Variants in MAP4K3 observed in about 807,000 individuals in gnomAD.
The protein encoded by MAP4K3 is mitogen-activated protein kinase kinase kinase kinase 3.
Under a neutral mutation model 143.5 loss-of-function variants are expected in MAP4K3, and 94 were observed. That is an observed-to-expected ratio of 0.65 (90% CI 0.55 to 0.78). MAP4K3 has a LOEUF of 0.78. Ranked by LOEUF, MAP4K3 falls within the 30% of genes least tolerant of loss-of-function variation. The pLI is 0.00. For synonymous variants in MAP4K3, 416 were observed against 347.2 expected (o/e 1.20, Z -2.20); for missense variants, 1,077 against 1,068.1 (o/e 1.01, Z -0.12).
At chr2:39,278,597 C>T (rs1429257177) in intron 23 of MAP4K3, 111 bp from the exon 24 acceptor site, 1 of 610,700 alleles carries the variant, frequency 1.6e-6, no homozygotes, top group Non-Finnish European at 2.8e-6. Flanking sequence ...ACAAGAATTA[C>T]TATGATTTAT....
At position 39,260,527 on chromosome 2, in the gene MAP4K3, T is replaced by C. The variant is rs888182541; in HGVS notation, c.2308+79A>G. 3 of 1,185,030 alleles carry C rather than the reference T, an allele frequency of 2.5e-6. No individual in the cohort carries two copies. The African/African-American group carries it at 4.7e-5, about 18-fold the overall frequency. 73.4% of individuals were successfully genotyped at this position (1,185,030 alleles called of 1,614,324 possible). A position where few individuals can be genotyped will look rare whatever the true frequency, so the allele number is the denominator to read the frequency against. On this transcript the variant is annotated intron_variant, in intron 29 of 33. Coordinates refer to ENST00000263881, the MANE Select transcript of MAP4K3 (RefSeq NM_003618.4). ...ACTGGCAGTATATGCAGTTTTTCCT[T>C]AGTAAGAGATACAGTAAACTTACTA... is the stretch of plus-strand genomic sequence containing the variant.
At position 39,309,528 on chromosome 2, in the gene MAP4K3, GA is replaced by G. The variant is rs754215622; in HGVS notation, c.998-10del. 5.5e-4 allele frequency: 266 copies of G among 486,642 alleles called. No homozygotes were observed. The highest frequency in any genetic ancestry group is 7.0e-4 in the African/African-American group (28 of 40,104). 30.1% of individuals were successfully genotyped at this position (486,642 alleles called of 1,614,324 possible). A position where few individuals can be genotyped will look rare whatever the true frequency, so the allele number is the denominator to read the frequency against. The stretch of plus-strand genomic sequence containing the variant: ...AAATTTCACTTGGCCAACTAAAAAA[GA>G]AAAAAAAGTAAAACCAGGATTTTTT... On this transcript the variant is annotated splice_polypyrimidine_tract_variant and intron_variant, in intron 13 of 33. Transcript: ENST00000263881.
Position 39,288,271 on chromosome 2 carries a change from T to A in MAP4K3, c.1324A>T (p.Ile442Phe). ...GAATGCATTTCCTGTGGTATGAAGATAGACTTAGGCTGAAATAATATAGAA... is the reference window on the plus strand; with the variant it reads ...GAATGCATTTCCTGTGGTATGAAGAAAGACTTAGGCTGAAATAATATAGAA... ...PPPLPPKPKS[I>F]FIPQEMHSTE... Residue 442 changes from isoleucine (I) to phenylalanine (F), a missense_variant, in exon 20 of 34, where the codon ATC becomes TTC. Physicochemically the swap from Ile to Phe is conservative, Grantham distance 21 (BLOSUM62 0). Around this residue, in one of 2 missense-constraint regions of MAP4K3, gnomAD observed 864 missense variants for 801.2 expected, o/e 1.08. Transcript: ENST00000263881. 1 of 1,613,814 alleles carries A rather than the reference T, an allele frequency of 6.2e-7. No individual in the cohort carries two copies. The highest frequency in any genetic ancestry group is 8.5e-7 in the Non-Finnish European group (1 of 1,179,740).
chr2:39,378,375 A>G (rs1333731845), intron 1 of MAP4K3, among the ~76,000 whole-genome samples: 1 of 152,178 alleles, frequency 6.6e-6, no homozygotes, highest in Non-Finnish European at 1.5e-5. Context: ...CACTATTCTA[A>G]ATGTTTTAAT....
Position 39,273,537 on chromosome 2 carries a change from A to T in MAP4K3, c.1795-995T>A, listed in dbSNP as rs201123796. 2.4e-3 allele frequency among the ~76,000 whole-genome samples: 55 copies of T among 22,964 alleles called. 1 individual carries two copies. In the Admixed American group the frequency reaches 0.033, roughly 14 times the overall value. 15.1% of individuals were successfully genotyped at this position (22,964 alleles called of 152,430 possible). ...TGAGAGAATGGAATAGAGAGGACCC[A>T]GGGGTGAATGATGAAACACATCAAG... On this transcript the variant is annotated intron_variant, in intron 24 of 33. Coordinates refer to ENST00000263881, the MANE Select transcript of MAP4K3 (RefSeq NM_003618.4).
chr2:39,253,663 T>C (rs895673861), intron 32 of MAP4K3, among the ~76,000 whole-genome samples: 1 of 152,178 alleles, frequency 6.6e-6, no homozygotes, highest in African/African-American at 2.4e-5. Context: ...ATTGCTTACT[T>C]TGTTAGAAAT....
At chr2:39,357,167 C>T (rs1665636455) in intron 2 of MAP4K3, among the ~76,000 whole-genome samples, 1 of 152,170 alleles carries the variant, frequency 6.6e-6, no homozygotes, top group Admixed American at 6.5e-5. Context: ...ATAGCAGTGT[C>T]ACATGCTGTG....
chr2:39,380,145 T>C (rs1167920546), intron 1 of MAP4K3, among the ~76,000 whole-genome samples: 8 of 152,126 alleles, frequency 5.3e-5, no homozygotes, highest in Non-Finnish European at 1.2e-4. Context: ...GCTAAAATGA[T>C]TACTGTTCTT....
chr2:39,432,671 G>C (rs1294097918), intron 1 of MAP4K3, among the ~76,000 whole-genome samples: 2 of 152,166 alleles, frequency 1.3e-5, no homozygotes, highest in African/African-American at 2.4e-5. Context: ...GGAAGAATTA[G>C]TCTATGATGA....
chr2:39,425,921 T>C (rs894590238), intron 1 of MAP4K3, among the ~76,000 whole-genome samples: 1 of 152,232 alleles, frequency 6.6e-6, no homozygotes, highest in Admixed American at 6.5e-5. Flanking sequence ...GGAACCATTA[T>C]AGTAATAATT....
At chr2:39,352,185 G>C (rs1004934470) in intron 3 of MAP4K3, among the ~76,000 whole-genome samples, 23 of 152,056 alleles carry the variant, frequency 1.5e-4, no homozygotes, top group Non-Finnish European at 2.8e-4. Context: ...CAGCTACTCG[G>C]GAGGCTGAGA....
intron 1 of MAP4K3, among the ~76,000 whole-genome samples, chr2:39,428,669 C>T (rs1424242773): frequency 6.6e-6 from 1 of 150,568 alleles, no homozygotes. Flanking sequence ...AGAGAAAGAG[C>T]AAAACTCTGC....
At chr2:39,272,173 TC>T (rs1219883989) in intron 26 of MAP4K3, 109 bp downstream of exon 26, 9 of 783,138 alleles carry the variant, frequency 1.1e-5, no homozygotes, top group Non-Finnish European at 1.9e-5. Flanking sequence ...TATTATTTTT[TC>T]ATCATGATTT....
intron 1 of MAP4K3, among the ~76,000 whole-genome samples, chr2:39,396,335 G>A (rs892674511): frequency 2.0e-5 from 3 of 151,800 alleles, no homozygotes; most frequent in African/African-American, 4.8e-5. Flanking sequence ...CACTGCACCC[G>A]GCCTACAAGT....
At chr2:39,398,551 G>C (rs557112658) in intron 1 of MAP4K3, among the ~76,000 whole-genome samples, 2 of 151,518 alleles carry the variant, frequency 1.3e-5, no homozygotes, top group Non-Finnish European at 2.9e-5. Flanking sequence ...TTTTAAAATA[G>C]CACTTTGCAT....
At chr2:39,399,131 AATCT>A (rs1445364467) in intron 1 of MAP4K3, among the ~76,000 whole-genome samples, 2 of 152,166 alleles carry the variant, frequency 1.3e-5, no homozygotes, top group African/African-American at 4.8e-5. Context: ...CGAAATTCCC[AATCT>A]ATCAATTAAA....
At chr2:39,325,009 G>T (rs898161446) in intron 12 of MAP4K3, among the ~76,000 whole-genome samples, 1 of 151,952 alleles carries the variant, frequency 6.6e-6, no homozygotes, top group Non-Finnish European at 1.5e-5. Context: ...TAGAAACGGG[G>T]TCTTGCTATG....
chr2:39,266,358 ACTTC>A (rs1192225633), intron 27 of MAP4K3, among the ~76,000 whole-genome samples: 4 of 152,158 alleles, frequency 2.6e-5, no homozygotes, highest in African/African-American at 7.2e-5. Context: ...CTAGCACAAG[ACTTC>A]CTTCCTTACT....
At chr2:39,300,817 C>T (rs1256952365) in intron 15 of MAP4K3, among the ~76,000 whole-genome samples, 2 of 152,222 alleles carry the variant, frequency 1.3e-5, no homozygotes, top group Non-Finnish European at 2.9e-5. Context: ...TGCTCTAGCA[C>T]TTACACTGCA....
Sources: allele counts gnomAD v4.1 joint callset (sites outside exome capture counted in the v4.1 genomes callset), GRCh38; gene constraint gnomAD v4.1.1; regional missense constraint gnomAD v4.1.1; transcripts MANE v1.5; gene names NCBI Gene and HGNC (gene_info 2026-07-23, HGNC 2026-07-21).